The following ZSWIM5 variants were observed in gnomAD, a reference collection of about 807,000 sequenced individuals.
The protein encoded by ZSWIM5 is zinc finger SWIM-type containing 5, also known as zinc finger SWIM domain-containing protein 5.
Under a neutral mutation model 119.6 loss-of-function variants are expected in ZSWIM5, and 55 were observed. That is an observed-to-expected ratio of 0.46 (90% CI 0.37 to 0.58). The LOEUF (loss-of-function observed/expected upper bound fraction) is 0.58. Ranked by LOEUF, ZSWIM5 falls within the 20% of genes least tolerant of loss-of-function variation. The probability of loss-of-function intolerance (pLI) is 0.00; values close to 1 mark genes in which losing one functional copy is unlikely to be tolerated. For synonymous variants in ZSWIM5, 537 were observed against 606.9 expected, an observed-to-expected ratio of 0.88 and a Z score of 1.69; for missense variants, 1,193 against 1,512.8, an observed-to-expected ratio of 0.79 and a Z score of 3.51.
intron 11 of ZSWIM5, among the ~76,000 whole-genome samples, chr1:45,021,883 A>T (rs1380976233): frequency 1.3e-5 from 2 of 151,726 alleles, no homozygotes; most frequent in Non-Finnish European, 1.5e-5. Context: ...TTAGCCAGGC[A>T]TGGTGGCGTG....
At chr1:45,041,615 C>T (rs1645018805) in intron 6 of ZSWIM5, among the ~76,000 whole-genome samples, 1 of 150,300 alleles carries the variant, frequency 6.7e-6, no homozygotes, top group South Asian at 2.1e-4. Flanking sequence ...CCGCTCACTG[C>T]AACCTCCGCC....
intron 1 of ZSWIM5, among the ~76,000 whole-genome samples, chr1:45,120,763 GC>G (rs1365583432): frequency 1.3e-5 from 2 of 151,248 alleles, no homozygotes; most frequent in African/African-American, 4.9e-5. Context: ...AGTGTGAGTC[GC>G]CATGCCCAGC....
At chr1:45,164,935 G>C (rs1490863200) in intron 1 of ZSWIM5, among the ~76,000 whole-genome samples, 1 of 152,062 alleles carries the variant, frequency 6.6e-6, no homozygotes, top group African/African-American at 2.4e-5. Context: ...AGGTTACCCA[G>C]GAATTGAACT....
intron 1 of ZSWIM5, among the ~76,000 whole-genome samples, chr1:45,196,373 GCC>G (rs1183838034): frequency 7.0e-6 from 1 of 142,332 alleles, no homozygotes; most frequent in African/African-American, 2.5e-5. Flanking sequence ...CAAGATTGAA[GCC>G]CACAATTCCT....
chr1:45,071,472 T>TTTTTTTG (rs1372895820), intron 2 of ZSWIM5, among the ~76,000 whole-genome samples: 1 of 148,832 alleles, frequency 6.7e-6, no homozygotes, highest in African/African-American at 2.5e-5. Flanking sequence ...TTTTTTTTTT[T>TTTTTTTG]TGAGATAGGG....
At chr1:45,069,193 G>A (rs537348743) in intron 2 of ZSWIM5, among the ~76,000 whole-genome samples, 1 of 152,116 alleles carries the variant, frequency 6.6e-6, no homozygotes, top group East Asian at 1.9e-4. Flanking sequence ...TTGGGAGGCC[G>A]AGGTGGGTGG....
chr1:45,181,844 G>A (rs2149049163), intron 1 of ZSWIM5, among the ~76,000 whole-genome samples: 1 of 152,130 alleles, frequency 6.6e-6, no homozygotes, highest in South Asian at 2.1e-4. Context: ...CTTCATAAGT[G>A]AAGGACAAAT....
At chr1:45,138,505 CAAAAAAAA>C (rs759005534) in intron 1 of ZSWIM5, among the ~76,000 whole-genome samples, 2 of 54,932 alleles carry the variant, frequency 3.6e-5, no homozygotes, top group African/African-American at 6.2e-5. Context: ...AACTCCATCT[CAAAAAAAA>C]AAAAAAAAAA....
chr1:45,135,617 C>T (rs346689), intron 1 of ZSWIM5, among the ~76,000 whole-genome samples: 9,538 of 152,210 alleles, frequency 0.063, 347 homozygotes, highest in East Asian at 0.11. Context: ...AAAAGTCTTT[C>T]ATTTTCAAAG....
At chr1:45,130,927 A>G (rs1017487888) in intron 1 of ZSWIM5, among the ~76,000 whole-genome samples, 2 of 152,244 alleles carry the variant, frequency 1.3e-5, no homozygotes, top group Non-Finnish European at 2.9e-5. Flanking sequence ...AACACACAAC[A>G]GCACCATGCA....
intron 1 of ZSWIM5, among the ~76,000 whole-genome samples, chr1:45,156,351 T>C (rs1645826992): frequency 1.3e-5 from 2 of 151,906 alleles, no homozygotes; most frequent in South Asian, 4.1e-4. Context: ...CCTCACTATA[T>C]GGGTGACAGG....
intron 5 of ZSWIM5, among the ~76,000 whole-genome samples, chr1:45,045,607 T>C (rs1033192239): frequency 2.6e-5 from 4 of 152,178 alleles, no homozygotes; most frequent in African/African-American, 9.7e-5. Context: ...CAATGACTCT[T>C]CTACTGGCTG....
intron 7 of ZSWIM5, among the ~76,000 whole-genome samples, chr1:45,039,797 TG>T (rs1189090744): frequency 6.6e-6 from 1 of 151,224 alleles, no homozygotes; most frequent in Non-Finnish European, 1.5e-5. Context: ...CTCCGCCTCC[TG>T]GGTTCCAGCG....
At chr1:45,178,926 AAAATAAAT>A (rs1229637496) in intron 1 of ZSWIM5, among the ~76,000 whole-genome samples, 1 of 152,096 alleles carries the variant, frequency 6.6e-6, no homozygotes, top group African/African-American at 2.4e-5. Flanking sequence ...ATTTAAAATT[AAAATAAAT>A]AAATAAATGA....
chr1:45,019,997 T>C lies in ZSWIM5; in HGVS notation c.2695+69A>G. The C allele has an allele frequency of 7.5e-7, 1 of 1,336,624 alleles. No homozygotes were observed. Among genetic ancestry groups the C allele is most frequent in the Non-Finnish European group, 1.1e-6 (1 of 933,308 alleles). The allele number at this position is 1,336,624 out of a possible 1,614,324, so 82.8% of individuals were successfully genotyped here. A position where few individuals can be genotyped will look rare whatever the true frequency, so the allele number is the denominator to read the frequency against. Reference sequence around the variant, plus strand: ...GGAATATGAGAGCTCTAAGGATTGATTGTCCTGTCCCAAGAGTAGGGCCTA... The same window carrying C: ...GGAATATGAGAGCTCTAAGGATTGACTGTCCTGTCCCAAGAGTAGGGCCTA... On this transcript the variant is annotated intron_variant, in intron 13 of 13. Transcript: ENST00000359600. This position sits in a 1 kb window ranked among gnomAD's most constrained non-coding sequence, Gnocchi z 5.0.
At chr1:45,192,129 T>A (rs1406407495) in intron 1 of ZSWIM5, among the ~76,000 whole-genome samples, 2 of 152,210 alleles carry the variant, frequency 1.3e-5, no homozygotes, top group African/African-American at 4.8e-5. Context: ...ACTTTTTTAT[T>A]GTGGTAAAAT....
At chr1:45,075,369 T>C (rs1645250160) in intron 2 of ZSWIM5, among the ~76,000 whole-genome samples, 1 of 150,376 alleles carries the variant, frequency 6.6e-6, no homozygotes, top group African/African-American at 2.5e-5. Flanking sequence ...GTATTTGCTC[T>C]ATATATTTGG....
chr1:45,178,926 AAAAT>A lies in ZSWIM5; in HGVS notation c.595+26826_595+26829del, dbSNP rs1229637496. On this transcript the variant is annotated intron_variant, in intron 1 of 13. Coordinates refer to ENST00000359600, the MANE Select transcript of ZSWIM5 (RefSeq NM_020883.2). ...ATTCAATAAGATACTATTTAAAATTAAAATAAATAAATAAATGAATGAATTCCAC... is the reference window on the plus strand; with the variant it reads ...ATTCAATAAGATACTATTTAAAATTAAAATAAATAAATGAATGAATTCCAC... 2.0e-4 allele frequency among the ~76,000 whole-genome samples: 31 copies of A among 152,096 alleles called. 1 individual carries two copies. Among genetic ancestry groups the A allele is most frequent in the Non-Finnish European group, 1.2e-4 (8 of 68,010 alleles).
intron 4 of ZSWIM5, among the ~76,000 whole-genome samples, chr1:45,054,454 C>T (rs577656868): frequency 4.0e-5 from 6 of 149,916 alleles, no homozygotes; most frequent in African/African-American, 7.4e-5. Context: ...TGGTGGTGCG[C>T]GCCTGTAGTC....
Sources: allele counts gnomAD v4.1 joint callset (sites outside exome capture counted in the v4.1 genomes callset), GRCh38; gene constraint gnomAD v4.1.1; non-coding constraint Gnocchi (gnomAD v3.1); transcripts MANE v1.5; gene names NCBI Gene and HGNC (gene_info 2026-07-23, HGNC 2026-07-21).